Variants in CDH8 observed in about 807,000 individuals in gnomAD.
CDH8 encodes the protein cadherin-8.
In CDH8, 17 loss-of-function variants were observed where a neutral mutation model predicts 68.1. That is an observed-to-expected ratio of 0.25 (90% CI 0.17 to 0.37). CDH8 has a LOEUF of 0.37. Among genes scored for constraint, CDH8 ranks in the 10% least tolerant of loss-of-function variants. The pLI, the probability that CDH8 is intolerant of heterozygous loss-of-function variation, is 1.00. For synonymous variants in CDH8, 372 were observed against 365.1 expected (o/e 1.02, Z -0.21); for missense variants, 763 against 999.3 (o/e 0.76, Z 3.19).
intron 8 of CDH8, among the ~76,000 whole-genome samples, chr16:61,782,296 A>T (rs1361178255): frequency 6.6e-6 from 1 of 152,178 alleles, no homozygotes; most frequent in Non-Finnish European, 1.5e-5. Flanking sequence ...GGGGTCAGGG[A>T]GTTCCCTTTC....
chr16:61,931,147 T>C (rs1488221988), intron 2 of CDH8, among the ~76,000 whole-genome samples: 1 of 152,006 alleles, frequency 6.6e-6, no homozygotes. Flanking sequence ...GTTGAAATCA[T>C]GAGGACCTTT....
chr16:61,749,533 T>G (rs1444745749), intron 8 of CDH8, among the ~76,000 whole-genome samples: 1 of 152,066 alleles, frequency 6.6e-6, no homozygotes, highest in Non-Finnish European at 1.5e-5. Flanking sequence ...TGAGTCTTTT[T>G]TTGTTCAAGG....
At chr16:61,735,293 C>T (rs1007351616) in intron 8 of CDH8, among the ~76,000 whole-genome samples, 1 of 152,072 alleles carries the variant, frequency 6.6e-6, no homozygotes, top group African/African-American at 2.4e-5. Context: ...ATTATCTCTT[C>T]CCAAAAGCTA....
intron 4 of CDH8, among the ~76,000 whole-genome samples, chr16:61,826,418 T>C (rs1442577390): frequency 6.6e-6 from 1 of 151,874 alleles, no homozygotes; most frequent in Non-Finnish European, 1.5e-5. Flanking sequence ...TGTCATAAGA[T>C]GCCCCTTCCC....
chr16:62,030,256 G>T (rs1032219095), intron 1 of CDH8, among the ~76,000 whole-genome samples: 1 of 152,186 alleles, frequency 6.6e-6, no homozygotes, highest in Middle Eastern at 3.2e-3. Flanking sequence ...TAAGGGAGTT[G>T]CTTATGCAGA....
chr16:61,893,317 C>T (rs572888213), intron 3 of CDH8, among the ~76,000 whole-genome samples: 76 of 152,172 alleles, frequency 5.0e-4, no homozygotes, highest in African/African-American at 1.7e-3. Flanking sequence ...TCTGCTAAAA[C>T]GCTGTTTCTA....
At chr16:61,730,086 AG>A (rs1195579698) in intron 8 of CDH8, among the ~76,000 whole-genome samples, 1 of 151,404 alleles carries the variant, frequency 6.6e-6, no homozygotes, top group African/African-American at 2.4e-5. Flanking sequence ...AAATTGTCAA[AG>A]TCCATTCTTA....
chr16:61,827,655 A>G (rs1204548946), intron 4 of CDH8, among the ~76,000 whole-genome samples: 2 of 151,844 alleles, frequency 1.3e-5, no homozygotes, highest in Non-Finnish European at 2.9e-5. Context: ...ACAGTGGAGA[A>G]TGTTGTTTAG....
intron 10 of CDH8, among the ~76,000 whole-genome samples, chr16:61,684,777 C>A (rs1964076789): frequency 6.6e-6 from 1 of 152,134 alleles, no homozygotes; most frequent in South Asian, 2.1e-4. Flanking sequence ...GAGGGCAAGA[C>A]TCCAAGTTAT....
At chr16:61,889,655 C>T (rs1402477969) in intron 3 of CDH8, among the ~76,000 whole-genome samples, 1 of 152,162 alleles carries the variant, frequency 6.6e-6, no homozygotes, top group African/African-American at 2.4e-5. Context: ...TCCCCAGCCC[C>T]TTTTAATATA....
chr16:61,973,113 C>G (rs1031240075), intron 2 of CDH8, among the ~76,000 whole-genome samples: 2 of 152,140 alleles, frequency 1.3e-5, no homozygotes, highest in East Asian at 1.9e-4. Flanking sequence ...ATAAATGTTT[C>G]ACCCACCGAG....
At chr16:61,916,145 T>C (rs1964235006) in intron 2 of CDH8, among the ~76,000 whole-genome samples, 1 of 152,222 alleles carries the variant, frequency 6.6e-6, no homozygotes, top group South Asian at 2.1e-4. Context: ...CCTCCAAGTA[T>C]TTCTATATAT....
Position 61,965,312 on chromosome 16 carries a change from G to A in CDH8, c.252+55840C>T, listed in dbSNP as rs142469109. On this transcript the variant is annotated intron_variant, in intron 2 of 11. Coordinates refer to ENST00000577390, the MANE Select transcript of CDH8 (RefSeq NM_001796.5). ...ATTCTGATGCTTAATTTATCAACCT[G>A]CTTACATTCTTGCAGAGAAGGAAGA... 3.6e-3 allele frequency among the ~76,000 whole-genome samples: 555 copies of A among 152,220 alleles called. 7 individuals are homozygous for A. The highest frequency in any genetic ancestry group is 0.025 in the East Asian group (129 of 5,166).
At chr16:61,675,365 C>T (rs904921243) in intron 10 of CDH8, among the ~76,000 whole-genome samples, 27 of 147,072 alleles carry the variant, frequency 1.8e-4, no homozygotes, top group African/African-American at 5.3e-4. Flanking sequence ...AACCAAACAC[C>T]GTATATTCTC....
intron 7 of CDH8, among the ~76,000 whole-genome samples, chr16:61,800,212 T>C (rs1219029796): frequency 6.6e-6 from 1 of 152,240 alleles, no homozygotes; most frequent in Non-Finnish European, 1.5e-5. Context: ...AAACACACCA[T>C]TCCAGTGTTC....
intron 3 of CDH8, among the ~76,000 whole-genome samples, chr16:61,896,800 A>G (rs887660801): frequency 6.6e-6 from 1 of 152,134 alleles, no homozygotes; most frequent in Non-Finnish European, 1.5e-5. Context: ...AACAACAACC[A>G]ATTGTGGAAC....
Position 61,960,053 on chromosome 16 carries a change from ATG to A in CDH8, c.253-58582_253-58581del, listed in dbSNP as rs199657420. Among the ~76,000 whole-genome samples, 240 of 125,944 alleles carry A rather than the reference ATG, an allele frequency of 1.9e-3. 62 individuals carry two copies. The highest frequency in any genetic ancestry group is 3.9e-3 in the African/African-American group (130 of 32,964). 82.6% of individuals were successfully genotyped at this position (125,944 alleles called of 152,430 possible). A position where few individuals can be genotyped will look rare whatever the true frequency, so the allele number is the denominator to read the frequency against. On this transcript the variant is annotated intron_variant, in intron 2 of 11. Transcript: ENST00000577390. ...ACACACACACAACATATATGTATGT[ATG>A]TGTGTGTGTATACACATACATATAT...
chr16:61,900,993 G>C (rs1567520120), intron 3 of CDH8, 186 bp downstream of exon 3: 5 of 566,286 alleles, frequency 8.8e-6, no homozygotes, highest in Non-Finnish European at 1.6e-5. Flanking sequence ...TCTTCCATCA[G>C]TTCCTGTTAC....
chr16:61,673,834 T>C (rs1963843334), intron 10 of CDH8, among the ~76,000 whole-genome samples: 1 of 152,040 alleles, frequency 6.6e-6, no homozygotes, highest in Non-Finnish European at 1.5e-5. Flanking sequence ...AATGGTGAAA[T>C]TGCTGGAATT....
Sources: gnomAD v4.1 joint callset for allele counts (sites outside exome capture counted in the v4.1 genomes callset) on GRCh38, gnomAD v4.1.1 for gene constraint, MANE v1.5 for transcripts, NCBI Gene and HGNC (gene_info 2026-07-23, HGNC 2026-07-21) for gene names.